KSR1: variants seen among roughly 807,000 people sequenced by gnomAD.
The protein encoded by KSR1 is kinase suppressor of ras 1.
Under a neutral mutation model 92.9 loss-of-function variants are expected in KSR1, and 35 were observed. That is an observed-to-expected ratio of 0.38 (90% CI 0.29 to 0.50). The LOEUF is 0.50. KSR1 is among the 20% of genes least tolerant of loss of function. KSR1 has a pLI of 0.94. For synonymous variants in KSR1, 467 were observed against 472.6 expected (o/e 0.99, Z 0.15); for missense variants, 972 against 1,158.5 (o/e 0.84, Z 2.34).
chr17:27,475,228 G>A (rs1009658659), intron 1 of KSR1, among the ~76,000 whole-genome samples: 1 of 152,296 alleles, frequency 6.6e-6, no homozygotes, highest in South Asian at 2.1e-4. Context: ...TTAGGGAGGT[G>A]CTTGCTTTCC....
intron 1 of KSR1, among the ~76,000 whole-genome samples, chr17:27,521,597 A>G (rs1036729637): frequency 3.0e-4 from 46 of 151,472 alleles, no homozygotes; most frequent in African/African-American, 1.1e-3. Flanking sequence ...ACGCCTGGCT[A>G]GTTTTTGAAT....
At chr17:27,608,381 A>G (rs756657094) in intron 15 of KSR1, among the ~76,000 whole-genome samples, 1 of 151,874 alleles carries the variant, frequency 6.6e-6, no homozygotes, top group Non-Finnish European at 1.5e-5. Context: ...CCCTCTCTGG[A>G]TTGGTGTGAG....
intron 1 of KSR1, among the ~76,000 whole-genome samples, chr17:27,467,335 G>A (rs1015234856): frequency 6.6e-6 from 1 of 152,248 alleles, no homozygotes; most frequent in Admixed American, 6.5e-5. Context: ...AGGCCATAGT[G>A]ATTCCTTGGT....
At chr17:27,620,858 A>T (rs1219789281) in intron 19 of KSR1, among the ~76,000 whole-genome samples, 3 of 152,166 alleles carry the variant, frequency 2.0e-5, no homozygotes, top group Non-Finnish European at 2.9e-5. Flanking sequence ...CTCATTTCAC[A>T]GGCAGGAAAC....
At chr17:27,509,147 C>T (rs1304898178) in intron 1 of KSR1, among the ~76,000 whole-genome samples, 1 of 152,214 alleles carries the variant, frequency 6.6e-6, no homozygotes, top group Non-Finnish European at 1.5e-5. Flanking sequence ...CAGTTTCCTA[C>T]ATTCCAGGCA....
At chr17:27,583,975 C>T in intron 4 of KSR1, 3 of 984,564 alleles carry the variant, frequency 3.0e-6, no homozygotes, top group Non-Finnish European at 3.6e-6. Flanking sequence ...ATTAATTAAA[C>T]CCCATTTGTT....
Position 27,601,746 on chromosome 17 carries a change from G to A in KSR1, c.1510+345G>A, listed in dbSNP as rs575205838. 3.0e-5 allele frequency: 19 copies of A among 641,934 alleles called. No individual in the cohort carries two copies. In the East Asian group the frequency reaches 5.0e-4, roughly 17 times the overall value. 39.8% of individuals were successfully genotyped at this position (641,934 alleles called of 1,614,324 possible). A position where few individuals can be genotyped will look rare whatever the true frequency, so the allele number is the denominator to read the frequency against. On this transcript the variant is annotated intron_variant, in intron 11 of 20. Coordinates refer to ENST00000644974, the MANE Select transcript of KSR1 (RefSeq NM_001394583.1). Reference sequence around the variant, plus strand: ...AATGGGGAGAGGACTTTTTGCTAATGCCTTATGAGCATATGTCACCGTATC... The same window carrying A: ...AATGGGGAGAGGACTTTTTGCTAATACCTTATGAGCATATGTCACCGTATC...
At chr17:27,495,241 T>A (rs1031308864) in intron 1 of KSR1, among the ~76,000 whole-genome samples, 6 of 152,278 alleles carry the variant, frequency 3.9e-5, no homozygotes, top group African/African-American at 1.4e-4. Context: ...GCTGCTCCTC[T>A]CCTCCTCCCC....
intron 1 of KSR1, among the ~76,000 whole-genome samples, chr17:27,472,837 C>T (rs2020090843): frequency 1.3e-5 from 2 of 152,082 alleles, no homozygotes; most frequent in Non-Finnish European, 2.9e-5. Context: ...AATGGAAGGC[C>T]AGAATCCTGG....
intron 7 of KSR1, 22 bp downstream of exon 7, chr17:27,590,916 G>A (rs1385435414): frequency 2.5e-6 from 4 of 1,594,548 alleles, no homozygotes; most frequent in East Asian, 2.3e-5. Flanking sequence ...AGGAGTGGGG[G>A]TGGGGGGAGC....
chr17:27,472,316 G>T (rs776383660), intron 1 of KSR1, among the ~76,000 whole-genome samples: 2 of 152,210 alleles, frequency 1.3e-5, no homozygotes, highest in Non-Finnish European at 2.9e-5. Flanking sequence ...AGTCTAGAGT[G>T]TACTCACATA....
chr17:27,565,962 T>C (rs1263318166), intron 2 of KSR1, among the ~76,000 whole-genome samples: 2 of 152,168 alleles, frequency 1.3e-5, no homozygotes, highest in African/African-American at 4.8e-5. Context: ...CTTTTGAAGG[T>C]TGTCCCATGA....
At chr17:27,585,456 C>T (rs1317312791) in intron 4 of KSR1, among the ~76,000 whole-genome samples, 1 of 152,174 alleles carries the variant, frequency 6.6e-6, no homozygotes, top group Non-Finnish European at 1.5e-5. Context: ...GGGGAATGCC[C>T]TTCTAGTCCT....
intron 1 of KSR1, among the ~76,000 whole-genome samples, chr17:27,513,523 GAGGT>G (rs2069677816): frequency 6.6e-6 from 1 of 152,206 alleles, no homozygotes; most frequent in African/African-American, 2.4e-5. Flanking sequence ...GGTGTACCTG[GAGGT>G]AGCATCACTG....
intron 1 of KSR1, among the ~76,000 whole-genome samples, chr17:27,530,449 GA>G (rs199639766): frequency 4.8e-5 from 7 of 145,354 alleles, no homozygotes; most frequent in East Asian, 2.0e-4. Flanking sequence ...TGTCTCAAAA[GA>G]AAAAAAAAAG....
chr17:27,468,509 G>T (rs746381261), intron 1 of KSR1, among the ~76,000 whole-genome samples: 2 of 152,306 alleles, frequency 1.3e-5, no homozygotes, highest in South Asian at 2.1e-4. Context: ...GATTACAGGC[G>T]TGAGCCACCG....
chr17:27,610,535 G>T (rs1411159361), intron 17 of KSR1, among the ~76,000 whole-genome samples: 1 of 152,194 alleles, frequency 6.6e-6, no homozygotes, highest in Non-Finnish European at 1.5e-5. Context: ...AGCTGACCAA[G>T]AACTGCTCCT....
chr17:27,526,070 C>CTCTT (rs1555576389), intron 1 of KSR1, among the ~76,000 whole-genome samples: 23,788 of 81,404 alleles, frequency 0.29, 3,889 homozygotes, highest in Non-Finnish European at 0.39. Flanking sequence ...CTCTTTCTTT[C>CTCTT]TCTTTCTTTC....
chr17:27,568,165 C>A (rs1003101990), intron 2 of KSR1, among the ~76,000 whole-genome samples: 1 of 152,244 alleles, frequency 6.6e-6, no homozygotes, highest in African/African-American at 2.4e-5. Context: ...TCCTGAGACA[C>A]CTGTCTCCTA....
Sources: gnomAD v4.1 joint callset for allele counts (sites outside exome capture counted in the v4.1 genomes callset) on GRCh38, gnomAD v4.1.1 for gene constraint, MANE v1.5 for transcripts, NCBI Gene and HGNC (gene_info 2026-07-23, HGNC 2026-07-21) for gene names.